The following IFFO2 variants were observed in gnomAD, a reference collection of about 807,000 sequenced individuals.
The protein encoded by IFFO2 is intermediate filament family orphan 2.
In IFFO2, 19 loss-of-function variants were observed where a neutral mutation model predicts 53.5. That is an observed-to-expected ratio of 0.36 (90% CI 0.25 to 0.52). The LOEUF is 0.52. IFFO2 is among the 20% of genes least tolerant of loss of function. IFFO2 has a pLI of 0.94. For missense variants in IFFO2, 570 were observed against 727.4 expected (o/e 0.78, Z 2.49); for synonymous variants, 303 against 313.6 (o/e 0.97, Z 0.36).
intron 1 of IFFO2, among the ~76,000 whole-genome samples, chr1:18,940,353 G>A (rs907969908): frequency 1.3e-5 from 2 of 152,174 alleles, no homozygotes; most frequent in African/African-American, 4.8e-5. Context: ...GCAACTTTGG[G>A]CAAGTCACTG....
intron 5 of IFFO2, among the ~76,000 whole-genome samples, chr1:18,913,990 C>T (rs1450254697): frequency 1.3e-5 from 2 of 151,790 alleles, no homozygotes; most frequent in African/African-American, 2.4e-5. Flanking sequence ...CGCCACCACG[C>T]CCGGCTAATT....
In IFFO2 at chr1:18,911,368, C is replaced by T. The variant is rs574084694; in HGVS notation, c.1317+16G>A. 1.9e-4 allele frequency: 270 copies of T among 1,406,394 alleles called. 3 individuals carry two copies. The South Asian group carries it at 3.2e-3, about 17-fold the overall frequency. 87.1% of individuals were successfully genotyped at this position (1,406,394 alleles called of 1,614,324 possible). On this transcript the variant is annotated intron_variant, in intron 7 of 8. Transcript: ENST00000455833. ...AGGAGAGCCTCACGAGTGGGCTCCA[C>T]GTCCCGAGCCCTCACCTCGATCTGA...
intron 5 of IFFO2, among the ~76,000 whole-genome samples, chr1:18,914,798 G>A (rs1036449394): frequency 6.7e-6 from 1 of 148,592 alleles, no homozygotes; most frequent in African/African-American, 2.5e-5. Flanking sequence ...ACTCCAGCCT[G>A]GGCAACAGAA....
At position 18,955,742 on chromosome 1, in the gene IFFO2, G is replaced by C. The variant is rs981675530; in HGVS notation, c.591C>G (p.Thr197=). 1 of 1,586,846 alleles carries C rather than the reference G, an allele frequency of 6.3e-7. No individual in the cohort carries two copies. The highest frequency in any genetic ancestry group is 8.5e-7 in the Non-Finnish European group (1 of 1,170,584). The stretch of plus-strand genomic sequence containing the variant: ...AGAGCGCGCGGATCTCCGGCGTGAT[G>C]GTGTCGATCTGCACGCCCACGCCGT... ...HPDGVGVQID[T]ITPEIRALYN... is the part of the protein sequence containing the mutation. The change falls in exon 1 of 9, where the codon ACC becomes ACG. Residue 197 remains threonine (T), a synonymous_variant. Coordinates refer to ENST00000455833, the MANE Select transcript of IFFO2 (RefSeq NM_001136265.2).
intron 1 of IFFO2, among the ~76,000 whole-genome samples, chr1:18,949,313 C>G (rs1334014803): frequency 6.6e-6 from 1 of 152,258 alleles, no homozygotes; most frequent in Admixed American, 6.5e-5. Context: ...CCCCACAGAG[C>G]TTCCAGTCGA....
chr1:18,916,318 T>A lies in IFFO2; in HGVS notation c.1103+585A>T, dbSNP rs56124763. Reference sequence around the variant, plus strand: ...GCAGGAGAATGGCAGACAGGGAACATAAAGGATGCTGGCGAATGGAAGAGT... The same window carrying A: ...GCAGGAGAATGGCAGACAGGGAACAAAAAGGATGCTGGCGAATGGAAGAGT... On this transcript the variant is annotated intron_variant, in intron 5 of 8. Transcript: ENST00000455833. This position sits in a 1 kb window ranked among gnomAD's most constrained non-coding sequence, Gnocchi z 4.3. Among the ~76,000 whole-genome samples the A allele has an allele frequency of 0.018, 2,671 of 152,142 alleles. 96 individuals are homozygous for A. The highest frequency in any genetic ancestry group is 0.06 in the African/African-American group (2,499 of 41,486).
intron 5 of IFFO2, among the ~76,000 whole-genome samples, chr1:18,914,025 G>A (rs538119288): frequency 9.2e-5 from 14 of 152,132 alleles, no homozygotes; most frequent in Non-Finnish European, 1.5e-4. Flanking sequence ...TAGAGACAGC[G>A]TTTCACCGTG....
chr1:18,932,148 C>T (rs1936386387), intron 1 of IFFO2, among the ~76,000 whole-genome samples: 1 of 152,242 alleles, frequency 6.6e-6, no homozygotes, highest in Non-Finnish European at 1.5e-5. Flanking sequence ...GATTTCCAAT[C>T]CCTAAGCCTC....
intron 1 of IFFO2, 69 bp downstream of exon 1, chr1:18,955,599 T>C: frequency 1.3e-6 from 2 of 1,491,802 alleles, no homozygotes; most frequent in Admixed American, 2.2e-5. Flanking sequence ...CCGTCCCGCA[T>C]ACGCATTCCG....
chr1:18,936,955 CAAA>C lies in IFFO2; in HGVS notation c.666-15837_666-15835del, dbSNP rs58010345. Among the ~76,000 whole-genome samples, 291 of 137,768 alleles carry C rather than the reference CAAA, an allele frequency of 2.1e-3. 2 individuals carry two copies. The highest frequency in any genetic ancestry group is 7.2e-3 in the African/African-American group (268 of 37,324). The allele number at this position is 137,768 out of a possible 152,430, so 90.4% of individuals were successfully genotyped here. A position where few individuals can be genotyped will look rare whatever the true frequency, so the allele number is the denominator to read the frequency against. On this transcript the variant is annotated intron_variant, in intron 1 of 8. Coordinates refer to ENST00000455833, the MANE Select transcript of IFFO2 (RefSeq NM_001136265.2). This position sits in a 1 kb window ranked among gnomAD's most constrained non-coding sequence, Gnocchi z 4.5. ...AAACACAAACTGGCTGCAGGTGGGG[CAAA>C]AAAAAAAAAAAAGCACAGAACACAG...
Position 18,916,077 on chromosome 1 carries a change from A to G in IFFO2, c.1103+826T>C, listed in dbSNP as rs1047950696. Among the ~76,000 whole-genome samples, 1 of 151,978 alleles carries G rather than the reference A, an allele frequency of 6.6e-6. No individual in the cohort carries two copies. The highest frequency in any genetic ancestry group is 1.5e-5 in the Non-Finnish European group (1 of 67,994). ...GAGGCAGAGGTTGCAGTGAGCCGAG[A>G]TCTGGCCGCTATACTCCAGTCTGGG... On this transcript the variant is annotated intron_variant, in intron 5 of 8. Transcript: ENST00000455833. The surrounding 1 kb of genome is among the most constrained non-coding windows in gnomAD (Gnocchi z 4.3).
At position 18,911,965 on chromosome 1, in the gene IFFO2, C is replaced by G. The variant is rs775253305; in HGVS notation, c.1222G>C (p.Glu408Gln). 1 of 1,551,686 alleles carries G rather than the reference C, an allele frequency of 6.4e-7. No individual in the cohort carries two copies. The highest frequency in any genetic ancestry group is 2.0e-5 in the Admixed American group (1 of 51,012). Residue 408 changes from glutamate to glutamine, a missense_variant and splice_region_variant, in exon 6 of 9, where the codon GAG becomes CAG. Transcript: ENST00000455833. ...NCNPTIDLQG[E>Q]QEENLGNLIH... ...GGGAAGCCAGGCGCTGGGCTTACCT[C>G]GCCCTGCAGGTCGATGGTCGGATTG...
chr1:18,953,785 A>G (rs565168730), intron 1 of IFFO2, among the ~76,000 whole-genome samples: 84 of 152,228 alleles, frequency 5.5e-4, no homozygotes, highest in Admixed American at 1.7e-3. Context: ...CTGACATCAC[A>G]CCCCACGCCC....
intron 1 of IFFO2, among the ~76,000 whole-genome samples, chr1:18,950,440 A>C (rs1008272311): frequency 6.6e-6 from 1 of 152,154 alleles, no homozygotes; most frequent in African/African-American, 2.4e-5. Flanking sequence ...TTCCTTCTCA[A>C]TCCCTGGGAG....
At chr1:18,914,733 GAA>G (rs1453463166) in intron 5 of IFFO2, among the ~76,000 whole-genome samples, 5 of 147,730 alleles carry the variant, frequency 3.4e-5, no homozygotes, top group Admixed American at 1.4e-4. Context: ...TGAGGCAGGA[GAA>G]TTGCTTGAAC....
rs1036193144 is a variant in IFFO2 at position 18,919,288 on chromosome 1, T to G, written c.822+390A>C. ...AAAGGCCGCTGGGCCTGCGAGTCTC[T>G]CAGGCCCGCACAGACCAGACGGCAC... is the stretch of plus-strand genomic sequence containing the variant. On this transcript the variant is annotated intron_variant, in intron 3 of 8. Coordinates refer to ENST00000455833, the MANE Select transcript of IFFO2 (RefSeq NM_001136265.2). This position sits in a 1 kb window ranked among gnomAD's most constrained non-coding sequence, Gnocchi z 4.9. 6.6e-6 allele frequency among the ~76,000 whole-genome samples: 1 copy of G among 152,048 alleles called. No homozygotes were observed. Among genetic ancestry groups the G allele is most frequent in the Non-Finnish European group, 1.5e-5 (1 of 68,010 alleles).
intron 5 of IFFO2, among the ~76,000 whole-genome samples, chr1:18,915,337 T>TG (rs1250989295): frequency 3.3e-5 from 5 of 151,660 alleles, no homozygotes; most frequent in South Asian, 4.2e-4. Flanking sequence ...ATGCCCTCTC[T>TG]GGGGGGCTTC....
chr1:18,913,180 A>G (rs921628894), intron 5 of IFFO2, among the ~76,000 whole-genome samples: 2 of 152,228 alleles, frequency 1.3e-5, no homozygotes, highest in African/African-American at 2.4e-5. Flanking sequence ...GGTCCCAAGA[A>G]GGCCGTCTGG....
intron 1 of IFFO2, among the ~76,000 whole-genome samples, chr1:18,938,522 G>A (rs929111941): frequency 2.0e-5 from 3 of 152,194 alleles, no homozygotes; most frequent in Non-Finnish European, 2.9e-5. Flanking sequence ...GCCCTCAACC[G>A]CTACTGACTG....
Sources: gnomAD v4.1 joint callset for allele counts (sites outside exome capture counted in the v4.1 genomes callset) on GRCh38, gnomAD v4.1.1 for gene constraint, Gnocchi (gnomAD v3.1) non-coding constraint, MANE v1.5 for transcripts, NCBI Gene and HGNC (gene_info 2026-07-23, HGNC 2026-07-21) for gene names.